The following CCDC112 variants were observed in gnomAD, a reference collection of about 807,000 sequenced individuals.
CCDC112 encodes the protein coiled-coil domain containing 112, also known as coiled-coil domain-containing protein 112.
Under a neutral mutation model 66.3 loss-of-function variants are expected in CCDC112, and 40 were observed. The observed-to-expected ratio is 0.60, with a 90% CI of 0.47 to 0.79. The LOEUF (loss-of-function observed/expected upper bound fraction) is 0.79. CCDC112 is among the 30% of genes least tolerant of loss of function. CCDC112 has a pLI of 0.00. For synonymous variants in CCDC112, 214 were observed against 197.2 expected, an observed-to-expected ratio of 1.09 and a Z score of -0.71; for missense variants, 659 against 603.8, an observed-to-expected ratio of 1.09 and a Z score of -0.96.
chr5:115,296,039 G>T lies in CCDC112; in HGVS notation c.117+388C>A, dbSNP rs868046155. On this transcript the variant is annotated intron_variant, in intron 1 of 9. Transcript: ENST00000379611. ...AGTAACAGAGCTGCCACCAATTACT[G>T]AGCACAGAGTCCCCCTCCAATCAAG... The T allele has an allele frequency of 5.0e-6, 5 of 998,218 alleles. No homozygotes were observed. The South Asian group carries it at 2.3e-4, about 46-fold the overall frequency. 61.8% of individuals were successfully genotyped at this position (998,218 alleles called of 1,614,324 possible). A position where few individuals can be genotyped will look rare whatever the true frequency, so the allele number is the denominator to read the frequency against.
intron 3 of CCDC112, among the ~76,000 whole-genome samples, chr5:115,278,806 A>G (rs1233717541): frequency 6.6e-6 from 1 of 152,208 alleles, no homozygotes; most frequent in African/African-American, 2.4e-5. Context: ...TTGAAAGAAA[A>G]AAATCACTAA....
chr5:115,294,859 T>C (rs1182296962), intron 1 of CCDC112, among the ~76,000 whole-genome samples: 1 of 152,222 alleles, frequency 6.6e-6, no homozygotes, highest in Non-Finnish European at 1.5e-5. Flanking sequence ...GCAGTAATGC[T>C]GCATTGTTTT....
rs1749362699 is a variant in CCDC112, at chr5:115,279,650, C to A, written c.358G>T (p.Glu120Ter). Residue 120 changes from glutamate to a stop codon, truncating the protein, a stop_gained, in exon 3 of 10, where the codon GAA (glutamate) becomes TAA (stop). Transcript: ENST00000379611. LOFTEE classifies it high-confidence loss of function. Reference protein sequence around the residue: ...ENKLIHSRKTERAKIQQQLAK... With the variant: ...ENKLIHSRKT ...GTTCATCACAAACTCAACTTACTTT[C>A]TGTTTTCCTGCTGTGAATCAATTTA... 1.2e-6 allele frequency: 2 copies of A among 1,611,072 alleles called. No homozygotes were observed. Among genetic ancestry groups the A allele is most frequent in the Non-Finnish European group, 1.7e-6 (2 of 1,179,312 alleles).
At chr5:115,267,956 G>C in intron 9 of CCDC112, 38 bp from the exon 10 acceptor site, 1 of 1,542,428 alleles carries the variant, frequency 6.5e-7, no homozygotes, top group Non-Finnish European at 8.9e-7. Context: ...TAAATATGTA[G>C]GAAATTAAAA....
chr5:115,280,146 T>C (rs900173549), intron 2 of CCDC112, among the ~76,000 whole-genome samples: 6 of 152,198 alleles, frequency 3.9e-5, no homozygotes, highest in African/African-American at 1.4e-4. Flanking sequence ...ATTAATTTTG[T>C]AACCTTAGCC....
intron 4 of CCDC112, among the ~76,000 whole-genome samples, chr5:115,276,288 G>T (rs760977899): frequency 2.6e-5 from 4 of 152,092 alleles, no homozygotes; most frequent in Non-Finnish European, 5.9e-5. Flanking sequence ...CCATTTTAGA[G>T]CTGAGGAAAT....
intron 1 of CCDC112, among the ~76,000 whole-genome samples, chr5:115,286,742 T>A (rs1185746912): frequency 6.6e-6 from 1 of 151,774 alleles, no homozygotes; most frequent in Non-Finnish European, 1.5e-5. Flanking sequence ...CAAGATCCTG[T>A]CTGTATAAAA....
At chr5:115,295,979 T>C (rs1046495951) in intron 1 of CCDC112, 4 of 987,178 alleles carry the variant, frequency 4.1e-6, no homozygotes, top group Non-Finnish European at 4.8e-6. Flanking sequence ...GACCATCCCA[T>C]ATTGTCTTTC....
At chr5:115,272,017 C>A (rs1749024503) in intron 6 of CCDC112, among the ~76,000 whole-genome samples, 1 of 151,638 alleles carries the variant, frequency 6.6e-6, no homozygotes, top group South Asian at 2.1e-4. Context: ...CTCTGCCTCC[C>A]AGGTTCAAGT....
intron 8 of CCDC112, 75 bp downstream of exon 8, chr5:115,269,628 T>C (rs941405754): frequency 1.0e-6 from 1 of 998,934 alleles, no homozygotes; most frequent in South Asian, 1.5e-5. Flanking sequence ...ATAAAGGAAA[T>C]AGATTTGATG....
chr5:115,274,090 C>G (rs1395814576), intron 6 of CCDC112, among the ~76,000 whole-genome samples: 1 of 152,060 alleles, frequency 6.6e-6, no homozygotes, highest in African/African-American at 2.4e-5. Context: ...GTAAGTCAAA[C>G]TTCGTCATCA....
intron 3 of CCDC112, among the ~76,000 whole-genome samples, chr5:115,278,790 T>G (rs1319575408): frequency 6.6e-6 from 1 of 152,164 alleles, no homozygotes; most frequent in African/African-American, 2.4e-5. Flanking sequence ...AGTGCAACCT[T>G]GTATTTTGAA....
intron 1 of CCDC112, among the ~76,000 whole-genome samples, chr5:115,290,161 T>C (rs1749860419): frequency 1.3e-5 from 2 of 152,242 alleles, no homozygotes; most frequent in Admixed American, 6.5e-5. Flanking sequence ...TCAGATTAGA[T>C]ATTTTTCAAA....
chr5:115,291,792 C>T (rs993691166), intron 1 of CCDC112, among the ~76,000 whole-genome samples: 3 of 152,168 alleles, frequency 2.0e-5, no homozygotes, highest in Non-Finnish European at 4.4e-5. Flanking sequence ...GAACAACTGG[C>T]TGGCAGTCTT....
chr5:115,282,375 T>C (rs1475951119), intron 2 of CCDC112, among the ~76,000 whole-genome samples: 4 of 152,188 alleles, frequency 2.6e-5, no homozygotes, highest in Admixed American at 2.6e-4. Flanking sequence ...TCAGTTTAAG[T>C]ATTTTCAAGT....
intron 4 of CCDC112, 126 bp from the exon 5 acceptor site, chr5:115,276,195 G>C (rs1749199849): frequency 1.5e-6 from 1 of 657,228 alleles, no homozygotes; most frequent in Non-Finnish European, 2.5e-6. Context: ...GCATAAGAAA[G>C]TTGTGCTCAA....
chr5:115,271,478 A>C lies in CCDC112; in HGVS notation c.1067T>G (p.Leu356Trp). 6.2e-7 allele frequency: 1 copy of C among 1,612,978 alleles called. No individual in the cohort carries two copies. The highest frequency in any genetic ancestry group is 8.5e-7 in the Non-Finnish European group (1 of 1,179,766). Reference protein sequence around the residue: ...QKEEQRKKQKLAVEAWKKQKS... With the variant: ...QKEEQRKKQKWAVEAWKKQKS... ...CTGTTTCTTCCAAGCTTCAACTGCC[A>C]ATTTCTGTTTCTTTCTTTGTTCCTC... The change falls in exon 7 of 10, where the codon TTG becomes TGG. Residue 356 changes from leucine (L) to tryptophan (W), a missense_variant. Transcript: ENST00000379611.
chr5:115,276,912 C>T, intron 4 of CCDC112, 53 bp downstream of exon 4: 1 of 1,208,346 alleles, frequency 8.3e-7, no homozygotes. Flanking sequence ...CCATTAATGC[C>T]AAACAGAAAA....
chr5:115,283,556 T>A (rs1441799010), intron 2 of CCDC112, among the ~76,000 whole-genome samples: 1 of 152,164 alleles, frequency 6.6e-6, no homozygotes, highest in East Asian at 1.9e-4. Flanking sequence ...AATGTTTGTG[T>A]ACATCCATAC....
Sources: gnomAD v4.1 joint callset for allele counts (sites outside exome capture counted in the v4.1 genomes callset) on GRCh38, gnomAD v4.1.1 for gene constraint, MANE v1.5 for transcripts, NCBI Gene and HGNC (gene_info 2026-07-23, HGNC 2026-07-21) for gene names.